The following HCN1 variants were observed in gnomAD, a reference collection of about 807,000 sequenced individuals.
The protein encoded by HCN1 is potassium/sodium hyperpolarization-activated cyclic nucleotide-gated channel 1.
A neutral mutation model predicts 78.9 loss-of-function variants in HCN1; 13 were observed. The ratio of observed to expected loss-of-function variants is 0.16; its 90% CI spans 0.11 to 0.26. The LOEUF (loss-of-function observed/expected upper bound fraction) is 0.26. Ranked by LOEUF, HCN1 falls within the 10% of genes least tolerant of loss-of-function variation. The pLI is 1.00. For synonymous variants in HCN1, 552 were observed against 455.5 expected (o/e 1.21, Z -2.70); for missense variants, 810 against 1,154.3 (o/e 0.70, Z 4.32).
chr5:45,598,798 C>G (rs1744561285), intron 2 of HCN1, among the ~76,000 whole-genome samples: 1 of 152,064 alleles, frequency 6.6e-6, no homozygotes, highest in African/African-American at 2.4e-5. Flanking sequence ...ATGTAGCCAA[C>G]AGACACCTGA....
At chr5:45,610,772 C>T (rs1237932691) in intron 2 of HCN1, among the ~76,000 whole-genome samples, 2 of 151,348 alleles carry the variant, frequency 1.3e-5, no homozygotes, top group Admixed American at 6.6e-5. Context: ...AAATTGCACA[C>T]TTACTATGTT....
At chr5:45,396,155 A>G (rs1056127216) in intron 4 of HCN1, among the ~76,000 whole-genome samples, 12 of 152,150 alleles carry the variant, frequency 7.9e-5, no homozygotes, top group Admixed American at 6.6e-5. Flanking sequence ...CACATACGAG[A>G]GAAGGGTTTA....
Position 45,314,366 on chromosome 5 carries a change from T to C in HCN1, c.1378-10527A>G, listed in dbSNP as rs371606170. ...CTACAAGAGATCCTGAAAGAAGCAC[T>C]AAACATGGAAAGGAACGACCGGTAC... On this transcript the variant is annotated intron_variant, in intron 5 of 7. Transcript: ENST00000303230. 3.9e-5 allele frequency among the ~76,000 whole-genome samples: 6 copies of C among 152,138 alleles called. No individual in the cohort carries two copies. The East Asian group carries it at 1.2e-3, about 30-fold the overall frequency.
In HCN1 at chr5:45,375,429, A is replaced by G. The variant is rs1393545955; in HGVS notation, c.1230+21063T>C. Among the ~76,000 whole-genome samples, 12 of 117,744 alleles carry G rather than the reference A, an allele frequency of 1.0e-4. No individual in the cohort carries two copies. The East Asian group carries it at 2.8e-3, about 28-fold the overall frequency. The allele number at this position is 117,744 out of a possible 152,430, so 77.2% of individuals were successfully genotyped here. Reference sequence around the variant, plus strand: ...TATATAAGATCATATTTTATGATACATATTATATATAAGATCATATTTTAT... The same window carrying G: ...TATATAAGATCATATTTTATGATACGTATTATATATAAGATCATATTTTAT... On this transcript the variant is annotated intron_variant, in intron 4 of 7. Coordinates refer to ENST00000303230, the MANE Select transcript of HCN1 (RefSeq NM_021072.4).
At chr5:45,372,032 T>TTA (rs1241404073) in intron 4 of HCN1, among the ~76,000 whole-genome samples, 2 of 66,176 alleles carry the variant, frequency 3.0e-5, no homozygotes, top group Non-Finnish European at 4.9e-5. Flanking sequence ...TATAATATAA[T>TTA]TATATATATA....
intron 2 of HCN1, among the ~76,000 whole-genome samples, chr5:45,489,417 A>C (rs1741835125): frequency 1.3e-5 from 2 of 152,166 alleles, no homozygotes; most frequent in Admixed American, 6.6e-5. Flanking sequence ...ATAAAAATGT[A>C]TTTAAATCAA....
intron 5 of HCN1, among the ~76,000 whole-genome samples, chr5:45,336,240 C>A (rs575011800): frequency 1.3e-5 from 2 of 152,094 alleles, no homozygotes; most frequent in South Asian, 4.2e-4. Context: ...TAGACACAGC[C>A]AGAGCGCAAC....
rs993016814 is a variant in HCN1 at position 45,659,522 on chromosome 5, T to C, written c.426-13914A>G. 6.4e-3 allele frequency among the ~76,000 whole-genome samples: 831 copies of C among 130,490 alleles called. 15 individuals are homozygous for C. The highest frequency in any genetic ancestry group is 8.3e-3 in the Non-Finnish European group (519 of 62,846). 85.6% of individuals were successfully genotyped at this position (130,490 alleles called of 152,430 possible). On this transcript the variant is annotated intron_variant, in intron 1 of 7. Transcript: ENST00000303230. ...AATTACTCTGAGCTACGGGAGGACA[T>C]TCAAACCAAAGGCAAAGAAGTTGAA...
chr5:45,472,327 T>G (rs1261764396), intron 2 of HCN1, among the ~76,000 whole-genome samples: 1 of 151,878 alleles, frequency 6.6e-6, no homozygotes, highest in Non-Finnish European at 1.5e-5. Flanking sequence ...CTTACTCCAA[T>G]AGGGGCTTGC....
intron 5 of HCN1, among the ~76,000 whole-genome samples, chr5:45,349,412 G>A (rs1467303652): frequency 7.9e-5 from 12 of 152,136 alleles, no homozygotes; most frequent in Admixed American, 7.9e-4. Context: ...ATGCCCACAA[G>A]AGAAAGCAGG....
chr5:45,661,134 C>G (rs1392939499), intron 1 of HCN1, among the ~76,000 whole-genome samples: 1 of 148,396 alleles, frequency 6.7e-6, no homozygotes, highest in South Asian at 2.2e-4. Context: ...CAAACTAGAA[C>G]TCAGGATTAA....
intron 2 of HCN1, among the ~76,000 whole-genome samples, chr5:45,467,647 C>A (rs1023759341): frequency 2.6e-5 from 4 of 151,962 alleles, no homozygotes; most frequent in Non-Finnish European, 5.9e-5. Context: ...ATGGTCTATC[C>A]ATTTCCCTAT....
chr5:45,408,785 A>C (rs972567215), intron 3 of HCN1, among the ~76,000 whole-genome samples: 1 of 152,156 alleles, frequency 6.6e-6, no homozygotes, highest in Non-Finnish European at 1.5e-5. Flanking sequence ...AGGTTTGAGC[A>C]CACTGGAGTG....
intron 2 of HCN1, among the ~76,000 whole-genome samples, chr5:45,477,266 T>C (rs889785612): frequency 6.6e-6 from 1 of 152,140 alleles, no homozygotes; most frequent in Non-Finnish European, 1.5e-5. Context: ...CTTAACAACA[T>C]TGCTCAAGTT....
At chr5:45,407,806 G>A (rs1739954862) in intron 3 of HCN1, among the ~76,000 whole-genome samples, 2 of 151,972 alleles carry the variant, frequency 1.3e-5, no homozygotes, top group African/African-American at 2.4e-5. Flanking sequence ...CACCATGCCC[G>A]GCCCAGAAGA....
chr5:45,640,520 G>A lies in HCN1; in HGVS notation c.849+4665C>T, dbSNP rs73103089. 8.6e-3 allele frequency among the ~76,000 whole-genome samples: 1,307 copies of A among 151,832 alleles called. 25 individuals carry two copies. The highest frequency in any genetic ancestry group is 0.031 in the African/African-American group (1,280 of 41,420). ...AATTTTCACTGGAAAGGTATTGACTGTCACGATAGAGTGTGTCAATGTAGA... is the reference window on the plus strand; with the variant it reads ...AATTTTCACTGGAAAGGTATTGACTATCACGATAGAGTGTGTCAATGTAGA... On this transcript the variant is annotated intron_variant, in intron 2 of 7. Coordinates refer to ENST00000303230, the MANE Select transcript of HCN1 (RefSeq NM_021072.4).
intron 2 of HCN1, among the ~76,000 whole-genome samples, chr5:45,468,328 T>C (rs1469478438): frequency 6.6e-6 from 1 of 152,132 alleles, no homozygotes; most frequent in Non-Finnish European, 1.5e-5. Flanking sequence ...ACAGAATGTA[T>C]TCTTTATCAA....
Position 45,455,099 on chromosome 5 carries a change from C to A in HCN1, c.1011+6747G>T, listed in dbSNP as rs144600314. ...TTCATAGATTTTATTTCAATCCACA[C>A]AGGGCTACTACTAGAACACCACTGG... On this transcript the variant is annotated intron_variant, in intron 3 of 7. Transcript: ENST00000303230. Among the ~76,000 whole-genome samples, 263 of 152,110 alleles carry A rather than the reference C, an allele frequency of 1.7e-3. 1 individual carries two copies. Among genetic ancestry groups the A allele is most frequent in the African/African-American group, 6.1e-3 (254 of 41,504 alleles).
chr5:45,371,058 T>C (rs1049340100), intron 4 of HCN1, among the ~76,000 whole-genome samples: 4 of 151,988 alleles, frequency 2.6e-5, no homozygotes, highest in African/African-American at 9.7e-5. Context: ...GGGTAAACTG[T>C]GGACAATGAG....
Sources: allele counts gnomAD v4.1 joint callset (sites outside exome capture counted in the v4.1 genomes callset), GRCh38; gene constraint gnomAD v4.1.1; transcripts MANE v1.5; gene names NCBI Gene and HGNC (gene_info 2026-07-23, HGNC 2026-07-21).